The following POT1 variants were observed in gnomAD, a reference collection of about 807,000 sequenced individuals.
POT1 encodes protection of telomeres 1.
In POT1, 47 loss-of-function variants were observed where a neutral mutation model predicts 78.5. The ratio of observed to expected loss-of-function variants is 0.60; its 90% CI spans 0.47 to 0.76. The LOEUF (loss-of-function observed/expected upper bound fraction) is 0.76. Ranked by LOEUF, POT1 falls within the 30% of genes least tolerant of loss-of-function variation. POT1 has a pLI of 0.00. For synonymous variants in POT1, 259 were observed against 260.7 expected, an observed-to-expected ratio of 0.99 and a Z score of 0.06; for missense variants, 646 against 749.9, an observed-to-expected ratio of 0.86 and a Z score of 1.62.
intron 16 of POT1, among the ~76,000 whole-genome samples, chr7:124,828,086 C>G (rs1055357168): frequency 1.3e-5 from 2 of 151,886 alleles, no homozygotes; most frequent in East Asian, 3.9e-4. Flanking sequence ...TCCATAGAAA[C>G]CACAAAAAGT....
intron 10 of POT1, 110 bp downstream of exon 10, chr7:124,852,862 G>A: frequency 3.2e-6 from 3 of 941,430 alleles, no homozygotes; most frequent in Non-Finnish European, 3.1e-6. Context: ...TAAAAACATG[G>A]CAAATGGCAC....
At chr7:124,833,327 A>T (rs889656358) in intron 15 of POT1, among the ~76,000 whole-genome samples, 1 of 152,182 alleles carries the variant, frequency 6.6e-6, no homozygotes, top group Non-Finnish European at 1.5e-5. Context: ...CTTACCGTAT[A>T]ATATTTTTCA....
chr7:124,883,582 C>T (rs187127892), intron 6 of POT1, among the ~76,000 whole-genome samples: 51 of 152,096 alleles, frequency 3.4e-4, no homozygotes, highest in African/African-American at 7.2e-5. Flanking sequence ...GACAACCTTA[C>T]GGTTCTAATA....
At chr7:124,884,357 T>C (rs1796193452) in intron 6 of POT1, among the ~76,000 whole-genome samples, 1 of 152,180 alleles carries the variant, frequency 6.6e-6, no homozygotes, top group African/African-American at 2.4e-5. Context: ...AATTTGATTA[T>C]ACTGCTCAGT....
chr7:124,859,766 G>A lies in POT1; in HGVS notation c.547-654C>T, dbSNP rs189559273. ...AACAAAACACACAAAAGATAAGGCC[G>A]CACCAATACTGTAGATATTAAAACA... On this transcript the variant is annotated intron_variant, in intron 8 of 18. Coordinates refer to ENST00000357628, the MANE Select transcript of POT1 (RefSeq NM_015450.3). Among the ~76,000 whole-genome samples the A allele has an allele frequency of 8.1e-4, 120 of 147,816 alleles. 1 individual carries two copies. The highest frequency in any genetic ancestry group is 1.5e-3 in the Non-Finnish European group (102 of 67,138).
At chr7:124,828,654 C>T (rs559352897) in intron 16 of POT1, among the ~76,000 whole-genome samples, 46 of 152,058 alleles carry the variant, frequency 3.0e-4, no homozygotes, top group Non-Finnish European at 5.4e-4. Flanking sequence ...AAAGATATTA[C>T]ATTAAGAATA....
intron 3 of POT1, among the ~76,000 whole-genome samples, chr7:124,912,012 T>G (rs1487420522): frequency 2.0e-5 from 3 of 152,150 alleles, no homozygotes; most frequent in Admixed American, 1.3e-4. Context: ...GGCCAATAAT[T>G]AACTGAAGAA....
chr7:124,918,871 G>C (rs180779487), intron 2 of POT1, among the ~76,000 whole-genome samples: 247 of 152,190 alleles, frequency 1.6e-3, no homozygotes, highest in African/African-American at 5.7e-3. Flanking sequence ...TCCTCTCTGA[G>C]AGTACAAGAA....
chr7:124,835,903 TCA>T (rs1794890397), intron 14 of POT1, among the ~76,000 whole-genome samples: 1 of 152,212 alleles, frequency 6.6e-6, no homozygotes, highest in Non-Finnish European at 1.5e-5. Context: ...GGGAAAATTA[TCA>T]CAGTTAATTC....
intron 10 of POT1, among the ~76,000 whole-genome samples, chr7:124,852,188 T>C (rs1223265019): frequency 6.6e-6 from 1 of 152,088 alleles, no homozygotes; most frequent in African/African-American, 2.4e-5. Flanking sequence ...CAAACAAAAA[T>C]AAACTGGGAA....
chr7:124,822,782 G>A lies in POT1; in HGVS notation c.*1180C>T, dbSNP rs182611577. 2 of 197,948 alleles carry A rather than the reference G, an allele frequency of 1.0e-5. No individual in the cohort carries two copies. 12.3% of individuals were successfully genotyped at this position (197,948 alleles called of 1,614,324 possible). ...TAAAGAAGATGTGTTAATGTACTCA[G>A]GAACTAGAATTTAGAGTTATTATGA... is the stretch of plus-strand genomic sequence containing the variant. On this transcript the variant is annotated 3_prime_UTR_variant, in exon 19 of 19. Transcript: ENST00000357628.
Position 124,829,820 on chromosome 7 carries a change from C to T in POT1, c.1506-478G>A, listed in dbSNP as rs187919591. Among the ~76,000 whole-genome samples the T allele has an allele frequency of 1.6e-3, 251 of 152,160 alleles. 6 individuals carry two copies. The highest frequency in any genetic ancestry group is 0.014 in the Admixed American group (209 of 15,282). On this transcript the variant is annotated intron_variant, in intron 15 of 18. Transcript: ENST00000357628. ...GCTCAAGTGAGCCTCCCACCTCAGC[C>T]TTCCAAGTAGCTAGAACCACAGTTG... is the stretch of plus-strand genomic sequence containing the variant.
rs75783960 is a variant in POT1, at chr7:124,927,187, T to G, written c.-227+1628A>C. 5.0e-3 allele frequency among the ~76,000 whole-genome samples: 756 copies of G among 152,344 alleles called. 7 individuals are homozygous for G. The highest frequency in any genetic ancestry group is 0.017 in the African/African-American group (726 of 41,584). On this transcript the variant is annotated intron_variant, in intron 2 of 18. Coordinates refer to ENST00000357628, the MANE Select transcript of POT1 (RefSeq NM_015450.3). ...ACCTGACATTCAATCCTCAAACTAC[T>G]GAAAAATGAATTTGCTCTTAGTGTT...
At chr7:124,877,122 GA>G (rs1330038020) in intron 6 of POT1, among the ~76,000 whole-genome samples, 52 of 152,248 alleles carry the variant, frequency 3.4e-4, no homozygotes, top group African/African-American at 1.2e-3. Context: ...TTAAAATTCT[GA>G]AAACTTCTGT....
At chr7:124,831,120 G>A (rs1247918215) in intron 15 of POT1, among the ~76,000 whole-genome samples, 1 of 152,086 alleles carries the variant, frequency 6.6e-6, no homozygotes, top group Non-Finnish European at 1.5e-5. Context: ...TCTGATGCTC[G>A]CTGGCCTGAC....
intron 7 of POT1, among the ~76,000 whole-genome samples, chr7:124,869,759 T>G (rs1795822679): frequency 1.3e-5 from 2 of 152,094 alleles, no homozygotes; most frequent in Admixed American, 6.6e-5. Flanking sequence ...TTTTGTATTT[T>G]TAGTAGAGAC....
At chr7:124,919,294 T>TA (rs1322081925) in intron 2 of POT1, among the ~76,000 whole-genome samples, 9 of 152,138 alleles carry the variant, frequency 5.9e-5, no homozygotes, top group African/African-American at 1.7e-4. Flanking sequence ...CAGTGTTGAC[T>TA]GAGATGTTGT....
chr7:124,866,209 G>A (rs534667807), intron 7 of POT1, among the ~76,000 whole-genome samples: 6 of 151,614 alleles, frequency 4.0e-5, no homozygotes, highest in South Asian at 4.2e-4. Flanking sequence ...AACTCTCTGC[G>A]AAGTCTTCTC....
chr7:124,839,676 CATT>C (rs1330211562), intron 14 of POT1, among the ~76,000 whole-genome samples: 2 of 152,132 alleles, frequency 1.3e-5, no homozygotes, highest in Non-Finnish European at 2.9e-5. Flanking sequence ...CATACATTCT[CATT>C]ATTTTTTTAA....
Sources: gnomAD v4.1 joint callset for allele counts (sites outside exome capture counted in the v4.1 genomes callset) on GRCh38, gnomAD v4.1.1 for gene constraint, MANE v1.5 for transcripts, NCBI Gene and HGNC (gene_info 2026-07-23, HGNC 2026-07-21) for gene names.